TMEM132D: variants seen among roughly 807,000 people sequenced by gnomAD.
The protein encoded by TMEM132D is mature OL transmembrane protein.
TMEM132D carries 21 observed loss-of-function variants against 62.3 expected under a neutral mutation model. The ratio of observed to expected loss-of-function variants is 0.34; its 90% confidence interval spans 0.24 to 0.49. The LOEUF (loss-of-function observed/expected upper bound fraction) is 0.49, where lower values mean the gene tolerates loss of function less well. Among genes scored for constraint, TMEM132D ranks in the 20% least tolerant of loss-of-function variants. TMEM132D has a pLI of 0.99. For synonymous variants in TMEM132D, 621 were observed against 575.6 expected (o/e 1.08, Z -1.13); for missense variants, 1,346 against 1,402.8 (o/e 0.96, Z 0.65).
chr12:129,714,220 T>C (rs1480823672), intron 1 of TMEM132D, among the ~76,000 whole-genome samples: 2 of 152,132 alleles, frequency 1.3e-5, no homozygotes, highest in Non-Finnish European at 1.5e-5. Flanking sequence ...TCAACACAAA[T>C]GGCCCCTCCC....
intron 3 of TMEM132D, among the ~76,000 whole-genome samples, chr12:129,505,110 T>C (rs533345152): frequency 4.9e-4 from 75 of 152,334 alleles, no homozygotes; most frequent in African/African-American, 1.7e-3. Context: ...TTAAGTTTAT[T>C]GAGGCTTGTT....
chr12:129,621,524 C>T (rs558516687), intron 2 of TMEM132D, among the ~76,000 whole-genome samples: 30 of 151,182 alleles, frequency 2.0e-4, no homozygotes, highest in African/African-American at 7.1e-4. Flanking sequence ...TGTGCTTGCA[C>T]CACCGATGCA....
intron 3 of TMEM132D, among the ~76,000 whole-genome samples, chr12:129,483,667 G>A (rs929931469): frequency 1.3e-5 from 2 of 152,206 alleles, no homozygotes; most frequent in African/African-American, 4.8e-5. Flanking sequence ...GCTTTTCACA[G>A]AGGCTGAAAC....
intron 1 of TMEM132D, among the ~76,000 whole-genome samples, chr12:129,742,104 A>T (rs890653709): frequency 7.9e-5 from 12 of 152,230 alleles, no homozygotes; most frequent in African/African-American, 2.9e-4. Context: ...ACTGTGTCAG[A>T]GACTTCAGAA....
chr12:129,469,602 C>T (rs554459130), intron 3 of TMEM132D, among the ~76,000 whole-genome samples: 1 of 152,344 alleles, frequency 6.6e-6, no homozygotes, highest in East Asian at 1.9e-4. Flanking sequence ...CCTGCTCTGT[C>T]TCAGGTATAC....
At chr12:129,458,218 C>T (rs1168846115) in intron 3 of TMEM132D, among the ~76,000 whole-genome samples, 1 of 152,174 alleles carries the variant, frequency 6.6e-6, no homozygotes, top group Non-Finnish European at 1.5e-5. Flanking sequence ...AGTGTCTCTT[C>T]TCTTCTCTGC....
rs571890004 is a variant in TMEM132D at position 129,517,472 on chromosome 12, G to A, written c.1115+13587C>T. On this transcript the variant is annotated intron_variant, in intron 3 of 8. Coordinates refer to ENST00000422113, the MANE Select transcript of TMEM132D (RefSeq NM_133448.3). ...GGTCTGAGGCGTGTCTACAGATAAA[G>A]GGGGTGAGGAAGACAGAGAAGCCAG... 2.6e-5 allele frequency among the ~76,000 whole-genome samples: 4 copies of A among 152,274 alleles called. No individual in the cohort carries two copies. The East Asian group carries it at 7.7e-4, about 29-fold the overall frequency.
At position 129,171,809 on chromosome 12, in the gene TMEM132D, G is replaced by A. The variant is rs907755135; in HGVS notation, c.1443+37711C>T. Among the ~76,000 whole-genome samples, 8 of 152,184 alleles carry A rather than the reference G, an allele frequency of 5.3e-5. No homozygotes were observed. In the East Asian group the frequency reaches 9.6e-4, roughly 18 times the overall value. On this transcript the variant is annotated intron_variant, in intron 5 of 8. Transcript: ENST00000422113. ...AGTAAACCATGCTACAAACAGATAC[G>A]CTGCGATACAGGCTTTGTGGTTCCA...
intron 4 of TMEM132D, among the ~76,000 whole-genome samples, chr12:129,286,763 G>A (rs1881308662): frequency 6.6e-6 from 1 of 152,152 alleles, no homozygotes; most frequent in Non-Finnish European, 1.5e-5. Flanking sequence ...AAAGGAGACA[G>A]GGAGCCAAGC....
intron 3 of TMEM132D, among the ~76,000 whole-genome samples, chr12:129,526,336 G>A (rs2137085476): frequency 6.6e-6 from 1 of 152,240 alleles, no homozygotes; most frequent in East Asian, 1.9e-4. Flanking sequence ...CCAGGCTGGA[G>A]TGCAATGGCA....
rs572605961 is a variant in TMEM132D, at chr12:129,800,109, C to A, written c.80-99411G>T. On this transcript the variant is annotated intron_variant, in intron 1 of 8. Coordinates refer to ENST00000422113, the MANE Select transcript of TMEM132D (RefSeq NM_133448.3). ...GTCCAACCCCAGCACATCTCCCCTG[C>A]CATGACTGAATTTCTCCTAACAAGA... 1.1e-4 allele frequency among the ~76,000 whole-genome samples: 16 copies of A among 152,272 alleles called. No individual in the cohort carries two copies. The South Asian group carries it at 3.3e-3, about 32-fold the overall frequency.
intron 3 of TMEM132D, among the ~76,000 whole-genome samples, chr12:129,435,156 T>A (rs1037939511): frequency 7.9e-5 from 12 of 152,228 alleles, no homozygotes; most frequent in African/African-American, 2.9e-4. Flanking sequence ...TTATTCTTTT[T>A]TAATGGTGGA....
intron 3 of TMEM132D, among the ~76,000 whole-genome samples, chr12:129,504,542 T>A (rs12229184): frequency 6.6e-6 from 1 of 152,094 alleles, no homozygotes; most frequent in African/African-American, 2.4e-5. Flanking sequence ...TTGAATTATT[T>A]TTTGTATTTC....
chr12:129,404,823 C>A (rs1469320087), intron 3 of TMEM132D, among the ~76,000 whole-genome samples: 1 of 152,128 alleles, frequency 6.6e-6, no homozygotes, highest in Non-Finnish European at 1.5e-5. Context: ...TCCCACCAGG[C>A]CCCACCCCCA....
chr12:129,120,634 A>T (rs1403300307), intron 5 of TMEM132D, among the ~76,000 whole-genome samples: 2 of 152,230 alleles, frequency 1.3e-5, no homozygotes, highest in African/African-American at 2.4e-5. Flanking sequence ...AAAAAAGGAT[A>T]TTAAGTGAAA....
intron 4 of TMEM132D, among the ~76,000 whole-genome samples, chr12:129,305,890 G>A (rs1566027903): frequency 6.6e-6 from 1 of 152,144 alleles, no homozygotes; most frequent in Non-Finnish European, 1.5e-5. Context: ...TCAAATTGTA[G>A]ATACAAAGCA....
intron 3 of TMEM132D, among the ~76,000 whole-genome samples, chr12:129,528,619 C>T (rs1876126095): frequency 6.6e-6 from 1 of 152,216 alleles, no homozygotes; most frequent in Admixed American, 6.5e-5. Flanking sequence ...CCAAATGCAG[C>T]ATTATACATG....
intron 1 of TMEM132D, among the ~76,000 whole-genome samples, chr12:129,712,527 G>A (rs1427702358): frequency 1.3e-5 from 2 of 152,228 alleles, no homozygotes; most frequent in Non-Finnish European, 2.9e-5. Flanking sequence ...TCACTGCCTG[G>A]TGGAGCTTGC....
At chr12:129,770,552 T>C (rs983301373) in intron 1 of TMEM132D, among the ~76,000 whole-genome samples, 2 of 152,172 alleles carry the variant, frequency 1.3e-5, no homozygotes, top group Non-Finnish European at 2.9e-5. Flanking sequence ...AACATATTAC[T>C]GAGAATCAGG....
Sources: allele counts gnomAD v4.1 joint callset (sites outside exome capture counted in the v4.1 genomes callset), GRCh38; gene constraint gnomAD v4.1.1; transcripts MANE v1.5; gene names NCBI Gene and HGNC (gene_info 2026-07-23, HGNC 2026-07-21).